COL25A1: variants seen among roughly 807,000 people sequenced by gnomAD.
COL25A1 encodes collagen alpha-1(XXV) chain.
In COL25A1, 103 loss-of-function variants were observed where a neutral mutation model predicts 128.4. The ratio of observed to expected loss-of-function variants is 0.80; its 90% CI spans 0.68 to 0.94. The LOEUF is 0.94. COL25A1 is among the 40% of genes least tolerant of loss of function. The pLI is 0.00. For synonymous variants in COL25A1, 279 were observed against 277.2 expected, an observed-to-expected ratio of 1.01 and a Z score of -0.06; for missense variants, 745 against 840.0, an observed-to-expected ratio of 0.89 and a Z score of 1.40.
At chr4:109,078,001 T>C (rs1763526076) in intron 3 of COL25A1, among the ~76,000 whole-genome samples, 2 of 152,212 alleles carry the variant, frequency 1.3e-5, no homozygotes, top group African/African-American at 4.8e-5. Context: ...TTCGTAGTAG[T>C]AGGGGTGTTT....
intron 13 of COL25A1, among the ~76,000 whole-genome samples, chr4:108,908,535 T>C (rs1202469781): frequency 6.6e-6 from 1 of 152,178 alleles, no homozygotes; most frequent in African/African-American, 2.4e-5. Context: ...CCTGGACTAT[T>C]AGGTTTGCTT....
chr4:109,254,469 TTA>T (rs55997800), intron 3 of COL25A1, among the ~76,000 whole-genome samples: 650 of 59,530 alleles, frequency 0.011, 18 homozygotes, highest in Middle Eastern at 0.029. Context: ...AGGCATATGT[TTA>T]TATATATATA....
chr4:109,153,609 C>T (rs1248879293), intron 3 of COL25A1, among the ~76,000 whole-genome samples: 1 of 152,028 alleles, frequency 6.6e-6, no homozygotes, highest in Non-Finnish European at 1.5e-5. Flanking sequence ...CAACAAACGC[C>T]TTGATCGATT....
chr4:108,941,832 C>T (rs975199961), intron 8 of COL25A1, among the ~76,000 whole-genome samples: 1 of 152,152 alleles, frequency 6.6e-6, no homozygotes, highest in African/African-American at 2.4e-5. Context: ...CATAATGTGG[C>T]GTGAACTCAA....
intron 3 of COL25A1, among the ~76,000 whole-genome samples, chr4:109,239,418 A>ATT (rs1560914871): frequency 1.1e-3 from 148 of 132,738 alleles, no homozygotes; most frequent in African/African-American, 3.4e-3. Flanking sequence ...ATATATATAT[A>ATT]TATATTTATT....
At chr4:109,004,882 T>G (rs1830110) in intron 6 of COL25A1, among the ~76,000 whole-genome samples, 121,105 of 152,142 alleles carry the variant, frequency 0.8, 49,338 homozygotes, top group East Asian at 1. Context: ...CAAGAACAGC[T>G]TAACAAAGAG....
At chr4:108,927,121 C>A (rs1746155552) in intron 11 of COL25A1, among the ~76,000 whole-genome samples, 1 of 152,122 alleles carries the variant, frequency 6.6e-6, no homozygotes, top group Admixed American at 6.6e-5. Context: ...ATATCCTTCT[C>A]CGATCAGTCT....
chr4:109,004,129 T>G (rs953425159), intron 6 of COL25A1, among the ~76,000 whole-genome samples: 4 of 152,130 alleles, frequency 2.6e-5, no homozygotes, highest in African/African-American at 9.7e-5. Flanking sequence ...TCTCACCCAT[T>G]TAGGTAAATG....
chr4:109,160,129 G>A (rs2126116105), intron 3 of COL25A1, among the ~76,000 whole-genome samples: 1 of 152,204 alleles, frequency 6.6e-6, no homozygotes, highest in African/African-American at 2.4e-5. Context: ...GTGTAATAAA[G>A]CTATGACCAA....
At chr4:108,830,800 C>T (rs569030628) in intron 32 of COL25A1, among the ~76,000 whole-genome samples, 40 of 152,370 alleles carry the variant, frequency 2.6e-4, no homozygotes, top group Admixed American at 2.2e-3. Context: ...GGGCATTCTG[C>T]CAAAACACTG....
chr4:109,172,562 T>C (rs1290585054), intron 3 of COL25A1, among the ~76,000 whole-genome samples: 1 of 152,172 alleles, frequency 6.6e-6, no homozygotes, highest in East Asian at 1.9e-4. Flanking sequence ...TTATAATCCA[T>C]CTTGATTATA....
At chr4:108,928,283 A>C (rs951088895) in intron 11 of COL25A1, among the ~76,000 whole-genome samples, 4 of 152,216 alleles carry the variant, frequency 2.6e-5, no homozygotes, top group African/African-American at 9.6e-5. Context: ...CATGATTCAC[A>C]GAAAAAGTTC....
At chr4:108,931,826 G>T (rs1161385617) in intron 11 of COL25A1, among the ~76,000 whole-genome samples, 1 of 152,136 alleles carries the variant, frequency 6.6e-6, no homozygotes, top group Non-Finnish European at 1.5e-5. Flanking sequence ...CAGGCTCTGG[G>T]CAAAAGTACC....
chr4:108,989,682 T>C (rs990038807), intron 6 of COL25A1, among the ~76,000 whole-genome samples: 3 of 152,188 alleles, frequency 2.0e-5, no homozygotes, highest in African/African-American at 7.2e-5. Flanking sequence ...AAGATTAGAC[T>C]CTGCTACACT....
At chr4:108,966,860 G>GAAAGA (rs1210872326) in intron 8 of COL25A1, among the ~76,000 whole-genome samples, 1 of 122,894 alleles carries the variant, frequency 8.1e-6, no homozygotes. Flanking sequence ...TAAAAGAAAA[G>GAAAGA]AAAGAAAAGA....
chr4:109,277,600 A>G (rs1056522052), intron 3 of COL25A1, among the ~76,000 whole-genome samples: 26 of 152,212 alleles, frequency 1.7e-4, no homozygotes, highest in East Asian at 5.8e-4. Context: ...CATACACTTC[A>G]AACAACAAAT....
At chr4:109,018,094 A>G (rs1199206375) in intron 5 of COL25A1, among the ~76,000 whole-genome samples, 1 of 152,086 alleles carries the variant, frequency 6.6e-6, no homozygotes, top group African/African-American at 2.4e-5. Flanking sequence ...ACCTGTAGTA[A>G]GCATCCAGAT....
Position 109,173,790 on chromosome 4 carries a change from T to A in COL25A1, c.368-123611A>T, listed in dbSNP as rs1456261651. ...TATATTCAGTACAGGCTGAGTATTA[T>A]CTTATCCAAAATGCTTGAGACCATC... On this transcript the variant is annotated intron_variant, in intron 3 of 37. Transcript: ENST00000399132. 7.2e-5 allele frequency among the ~76,000 whole-genome samples: 11 copies of A among 152,322 alleles called. No individual in the cohort carries two copies. The South Asian group carries it at 1.0e-3, about 14-fold the overall frequency.
intron 6 of COL25A1, among the ~76,000 whole-genome samples, chr4:108,983,478 G>A (rs938044465): frequency 1.3e-5 from 2 of 152,130 alleles, no homozygotes; most frequent in Non-Finnish European, 2.9e-5. Flanking sequence ...TTTTACCCGG[G>A]CTACTTAAGA....
Sources: gnomAD v4.1 joint callset for allele counts (sites outside exome capture counted in the v4.1 genomes callset) on GRCh38, gnomAD v4.1.1 for gene constraint, MANE v1.5 for transcripts, NCBI Gene and HGNC (gene_info 2026-07-23, HGNC 2026-07-21) for gene names.